MRPS18B: variants seen among roughly 807,000 people sequenced by gnomAD.
MRPS18B encodes the protein mitochondrial ribosomal protein S18B, also known as small ribosomal subunit protein mS40.
In MRPS18B, 27 loss-of-function variants were observed where a neutral mutation model predicts 28.4. The ratio of observed to expected loss-of-function variants is 0.95; its 90% CI spans 0.70 to 1.31. MRPS18B has a LOEUF of 1.31. Ranked by LOEUF, MRPS18B falls within the 40% of genes most tolerant of loss-of-function variation. The pLI is 0.00. For synonymous variants in MRPS18B, 118 were observed against 123.7 expected, an observed-to-expected ratio of 0.95 and a Z score of 0.30; for missense variants, 343 against 335.9, an observed-to-expected ratio of 1.02 and a Z score of -0.17.
intron 4 of MRPS18B, among the ~76,000 whole-genome samples, chr6:30,622,330 A>G (rs1355337088): frequency 2.6e-5 from 4 of 151,990 alleles, no homozygotes; most frequent in Admixed American, 6.6e-5. Context: ...TCTGAGGCCA[A>G]GGTGGGTGTA....
At chr6:30,622,604 T>G in intron 4 of MRPS18B, among the ~76,000 whole-genome samples, 1 of 139,110 alleles carries the variant, frequency 7.2e-6, no homozygotes, top group African/African-American at 2.7e-5. Flanking sequence ...AACCTCTGCA[T>G]AAGAGATTTC....
chr6:30,624,875 C>T lies in MRPS18B; in HGVS notation c.422-8C>T, dbSNP rs1192881344. 3 of 1,612,260 alleles carry T rather than the reference C, an allele frequency of 1.9e-6. No individual in the cohort carries two copies. ...GCCTTAAAGAACAAGATATTTTTCT[C>T]CCCACAGGAGTCTGTGTGAAGCAGC... On this transcript the variant is annotated splice_polypyrimidine_tract_variant and splice_region_variant and intron_variant, in intron 5 of 6. Transcript: ENST00000259873.
At chr6:30,622,095 TGAGA>T (rs934172507) in intron 4 of MRPS18B, among the ~76,000 whole-genome samples, 3 of 152,192 alleles carry the variant, frequency 2.0e-5, no homozygotes, top group Non-Finnish European at 2.9e-5. Flanking sequence ...GTTAATTTGC[TGAGA>T]GAGAGTTCTA....
chr6:30,620,813 C>A (rs1399628043), intron 4 of MRPS18B, among the ~76,000 whole-genome samples: 2 of 152,044 alleles, frequency 1.3e-5, no homozygotes, highest in Non-Finnish European at 2.9e-5. Flanking sequence ...TGTGACCCAC[C>A]CGCCTCGGCC....
At chr6:30,620,054 A>G in intron 4 of MRPS18B, 65 bp downstream of exon 4, 1 of 1,508,780 alleles carries the variant, frequency 6.6e-7, no homozygotes. Flanking sequence ...GCGGTGGCTC[A>G]CGCCTGTAAT....
At chr6:30,619,833 G>A in intron 3 of MRPS18B, 27 bp downstream of exon 3, 2 of 1,610,260 alleles carry the variant, frequency 1.2e-6, no homozygotes, top group Non-Finnish European at 1.7e-6. Context: ...GGGATGTGGA[G>A]TGCGGGGAGG....
In MRPS18B at chr6:30,625,786, A is replaced by G; in HGVS notation, c.766A>G (p.Ser256Gly). 1 of 1,609,818 alleles carries G rather than the reference A, an allele frequency of 6.2e-7. No homozygotes were observed. The highest frequency in any genetic ancestry group is 8.5e-7 in the Non-Finnish European group (1 of 1,177,408). The change falls in exon 7 of 7, where the codon AGT (serine) becomes GGT (glycine). Residue 256 changes from serine to glycine, a missense_variant. By Grantham distance (56) the Ser-to-Gly change is moderately conservative. Coordinates refer to ENST00000259873, the MANE Select transcript of MRPS18B (RefSeq NM_014046.4). ...ASSTGQTGPQSAL is the reference protein window; with the variant it reads ...ASSTGQTGPQGAL ...CTCCACTGGGCAGACAGGCCCTCAG[A>G]GTGCTCTGTAGGAGCTGTAGACTGG...
rs557416554 is a variant in MRPS18B at position 30,621,789 on chromosome 6, C to CA, written c.355-1035dup. Among the ~76,000 whole-genome samples, 677 of 151,882 alleles carry CA rather than the reference C, an allele frequency of 4.5e-3. 4 individuals carry two copies. Among genetic ancestry groups the CA allele is most frequent in the African/African-American group, 0.012 (513 of 41,450 alleles). On this transcript the variant is annotated intron_variant, in intron 4 of 6. Transcript: ENST00000259873. ...TGAAACGCCGTCTCTACTAAAAATA[C>CA]AAAAAAAATTAGCTGGGTGTGATGG...
chr6:30,625,706 GC>G lies in MRPS18B; in HGVS notation c.692del (p.Pro231HisfsTer45). The G allele has an allele frequency of 3.7e-6, 6 of 1,613,024 alleles. No individual in the cohort carries two copies. The highest frequency in any genetic ancestry group is 5.1e-6 in the Non-Finnish European group (6 of 1,180,012). ...LYQGHLQEES[G>X]PPPESMPKMP... Reference sequence around the variant, plus strand: ...CAGGGTCATCTCCAAGAAGAGAGTGGCCCCCCACCTGAGTCAATGCCCAAGA... The same window carrying G: ...CAGGGTCATCTCCAAGAAGAGAGTGGCCCCCACCTGAGTCAATGCCCAAGA... On this transcript the variant is annotated frameshift_variant, in exon 7 of 7. Coordinates refer to ENST00000259873, the MANE Select transcript of MRPS18B (RefSeq NM_014046.4). LOFTEE classifies it low-confidence loss of function (END_TRUNC).
At chr6:30,619,660 ACCCACTACACT>A (rs1761012956) in intron 2 of MRPS18B, 38 bp from the exon 3 acceptor site, 1 of 1,607,904 alleles carries the variant, frequency 6.2e-7, no homozygotes, top group Non-Finnish European at 8.5e-7. Context: ...GGACAGAGCC[ACCCACTACACT>A]CCCACCCAGG....
At position 30,620,205 on chromosome 6, in the gene MRPS18B, T is replaced by A. The variant is rs551283177; in HGVS notation, c.354+216T>A. 5 of 524,220 alleles carry A rather than the reference T, an allele frequency of 9.5e-6. No individual in the cohort carries two copies. In the Admixed American group the frequency reaches 1.6e-4, roughly 17 times the overall value. 32.5% of individuals were successfully genotyped at this position (524,220 alleles called of 1,614,324 possible). On this transcript the variant is annotated intron_variant, in intron 4 of 6. Transcript: ENST00000259873. ...GGTGGCGGGCGCCTGTAGTCCCAGC[T>A]ACTCAGGAGGCTGAGGCAGGAGAAT...
Position 30,619,736 on chromosome 6 carries a change from C to G in MRPS18B, c.215C>G (p.Pro72Arg). The G allele has an allele frequency of 6.2e-7, 1 of 1,614,184 alleles. No individual in the cohort carries two copies. Among genetic ancestry groups the G allele is most frequent in the Non-Finnish European group, 8.5e-7 (1 of 1,180,044 alleles). Residue 72 changes from proline (P) to arginine (R), a missense_variant, in exon 3 of 7, where the codon CCC becomes CGC. Physicochemically the swap from Pro to Arg is moderately radical, Grantham distance 103. Coordinates refer to ENST00000259873, the MANE Select transcript of MRPS18B (RefSeq NM_014046.4). ...TACCAGGAGCGATATGGTTCTCGCC[C>G]CGTCTGGGCTGACTACCGCCGCAAC... ...EEYQERYGSR[P>R]VWADYRRNHK...
At chr6:30,625,043 A>C in intron 6 of MRPS18B, 101 bp downstream of exon 6, 1 of 1,273,586 alleles carries the variant, frequency 7.9e-7, no homozygotes, top group Non-Finnish European at 1.1e-6. Flanking sequence ...TCAAGATGGT[A>C]GCACCCAGCA....
intron 6 of MRPS18B, 78 bp from the exon 7 acceptor site, chr6:30,625,424 T>G: frequency 1.5e-6 from 2 of 1,365,444 alleles, no homozygotes; most frequent in Non-Finnish European, 2.0e-6. Flanking sequence ...GTCCTTCCCT[T>G]TATAATCCTT....
chr6:30,620,189 C>T (rs966299700), intron 4 of MRPS18B, 200 bp downstream of exon 4: 35 of 551,688 alleles, frequency 6.3e-5, no homozygotes, highest in South Asian at 1.9e-4. Context: ...TGGTGGCGGG[C>T]GCCTGTAGTC....
chr6:30,624,279 A>G (rs556136768), intron 5 of MRPS18B, among the ~76,000 whole-genome samples: 7 of 151,772 alleles, frequency 4.6e-5, no homozygotes, highest in Admixed American at 2.6e-4. Flanking sequence ...TATTTTTAGT[A>G]GAGACAGGGT....
At position 30,622,023 on chromosome 6, in the gene MRPS18B, T is replaced by C. The variant is rs554988456; in HGVS notation, c.355-809T>C. Among the ~76,000 whole-genome samples, 45 of 152,298 alleles carry C rather than the reference T, an allele frequency of 3.0e-4. 1 individual carries two copies. In the South Asian group the frequency reaches 6.2e-3, roughly 21 times the overall value. ...AATGTTACAAATTTAGTAGCATGGG[T>C]GATTCTGCTTGCATTCTACTCTACA... On this transcript the variant is annotated intron_variant, in intron 4 of 6. Coordinates refer to ENST00000259873, the MANE Select transcript of MRPS18B (RefSeq NM_014046.4).
intron 4 of MRPS18B, 134 bp downstream of exon 4, chr6:30,620,123 C>G (rs1011573788): frequency 7.5e-6 from 6 of 796,730 alleles, no homozygotes; most frequent in East Asian, 7.4e-5. Flanking sequence ...CAAGACCATC[C>G]TGGCTAACAC....
In MRPS18B at chr6:30,617,922, C is replaced by T. The variant is rs771779781; in HGVS notation, c.57C>T (p.Phe19=). The T allele has an allele frequency of 1.2e-6, 2 of 1,614,068 alleles. No individual in the cohort carries two copies. Among genetic ancestry groups the T allele is most frequent in the Non-Finnish European group, 1.7e-6 (2 of 1,180,022 alleles). Residue 19 remains phenylalanine (F), a synonymous_variant, in exon 1 of 7, where the codon TTC becomes TTT. Transcript: ENST00000259873. ...VLRRLPMLSL[F]RGSHRVQVPL... is the part of the protein sequence containing the mutation. The stretch of plus-strand genomic sequence containing the variant: ...GGCGGCTTCCTATGCTATCTCTCTT[C>T]CGAGGTTCTCACAGAGTTCAGGTAA...
Sources: allele counts gnomAD v4.1 joint callset (sites outside exome capture counted in the v4.1 genomes callset), GRCh38; gene constraint gnomAD v4.1.1; transcripts MANE v1.5; gene names NCBI Gene and HGNC (gene_info 2026-07-23, HGNC 2026-07-21).